The following PACSIN2 variants were observed in gnomAD, a reference collection of about 807,000 sequenced individuals.
PACSIN2 encodes protein kinase C and casein kinase substrate in neurons 2, also known as protein kinase C and casein kinase substrate in neurons protein 2.
A neutral mutation model predicts 63.8 loss-of-function variants in PACSIN2; 25 were observed. The ratio of observed to expected loss-of-function variants is 0.39; its 90% CI spans 0.29 to 0.55. The LOEUF is 0.55. Among genes scored for constraint, PACSIN2 ranks in the 20% least tolerant of loss-of-function variants. The pLI is 0.62. For synonymous variants in PACSIN2, 255 were observed against 256.2 expected (o/e 1.00, Z 0.05); for missense variants, 518 against 646.9 (o/e 0.80, Z 2.16).
intron 1 of PACSIN2, among the ~76,000 whole-genome samples, chr22:42,995,829 C>T (rs1923357519): frequency 6.6e-6 from 1 of 152,132 alleles, no homozygotes; most frequent in African/African-American, 2.4e-5. Context: ...TCTGGGAAGC[C>T]GGGACAGGAG....
rs1929149865 is a variant in PACSIN2 at position 42,882,400 on chromosome 22, C to T, written c.786-96G>A. 6 of 1,402,086 alleles carry T rather than the reference C, an allele frequency of 4.3e-6. No individual in the cohort carries two copies. In the South Asian group the frequency reaches 5.5e-5, roughly 13 times the overall value. 86.9% of individuals were successfully genotyped at this position (1,402,086 alleles called of 1,614,324 possible). ...GCCACAGCAGGTCCCGTGGTCTCTG[C>T]CCTCTGTGAGTTGGTTTCACAGACA... On this transcript the variant is annotated intron_variant, in intron 6 of 10. Coordinates refer to ENST00000263246, the MANE Select transcript of PACSIN2 (RefSeq NM_001184970.3).
At chr22:42,876,396 C>T (rs1928633496) in intron 9 of PACSIN2, 63 bp from the exon 10 acceptor site, 2 of 1,443,142 alleles carry the variant, frequency 1.4e-6, no homozygotes, top group African/African-American at 2.8e-5. Flanking sequence ...GAGGCCCCCG[C>T]CCCGCAAGGG....
chr22:42,952,127 C>G (rs920282980), intron 1 of PACSIN2, among the ~76,000 whole-genome samples: 3 of 152,172 alleles, frequency 2.0e-5, no homozygotes, highest in African/African-American at 4.8e-5. Flanking sequence ...TCTCCACTCA[C>G]GAGAATGTAG....
At position 42,992,014 on chromosome 22, in the gene PACSIN2, T is replaced by C. The variant is rs1354658165; in HGVS notation, c.-78+23007A>G. ...ACAAGCCGTAAAAGAACAAATTGAC[T>C]TCAGCAAATGTTTAAAACTTCTGTT... On this transcript the variant is annotated intron_variant, in intron 1 of 10. Transcript: ENST00000263246. Among the ~76,000 whole-genome samples the C allele has an allele frequency of 3.3e-5, 5 of 152,170 alleles. No individual in the cohort carries two copies. The East Asian group carries it at 9.6e-4, about 29-fold the overall frequency.
Position 42,919,503 on chromosome 22 carries a change from G to T in PACSIN2, c.-77-7346C>A, listed in dbSNP as rs534839070. On this transcript the variant is annotated intron_variant, in intron 1 of 10. Transcript: ENST00000263246. Reference sequence around the variant, plus strand: ...AAGAAACTGAACTCAGGCTGGGCGTGGTGGCTCACGCCTGTAATTCCAGCA... The same window carrying T: ...AAGAAACTGAACTCAGGCTGGGCGTTGTGGCTCACGCCTGTAATTCCAGCA... Among the ~76,000 whole-genome samples, 7 of 152,218 alleles carry T rather than the reference G, an allele frequency of 4.6e-5. No individual in the cohort carries two copies. In the East Asian group the frequency reaches 7.7e-4, roughly 17 times the overall value.
chr22:42,871,498 T>A lies in PACSIN2; in HGVS notation c.1349-29A>T. On this transcript the variant is annotated intron_variant, in intron 10 of 10. Transcript: ENST00000263246. The surrounding 1 kb of genome is among the most constrained non-coding windows in gnomAD (Gnocchi z 5.4). ...CAAGACAAAGAGGGAGCCGTCTCCA[T>A]GAGAGGTATGACACCGACGGTGGGC... The A allele has an allele frequency of 6.5e-7, 1 of 1,533,702 alleles. No individual in the cohort carries two copies. The highest frequency in any genetic ancestry group is 9.0e-7 in the Non-Finnish European group (1 of 1,106,346).
chr22:42,950,992 C>G (rs1449126878), intron 1 of PACSIN2, among the ~76,000 whole-genome samples: 1 of 152,062 alleles, frequency 6.6e-6, no homozygotes, highest in Non-Finnish European at 1.5e-5. Flanking sequence ...CAGGGTCTAC[C>G]TGGACATATG....
intron 1 of PACSIN2, among the ~76,000 whole-genome samples, chr22:42,995,230 C>T (rs1219955875): frequency 6.6e-6 from 1 of 152,266 alleles, no homozygotes; most frequent in Non-Finnish European, 1.5e-5. Context: ...AGTCATGTTT[C>T]ACAATAACTC....
intron 2 of PACSIN2, among the ~76,000 whole-genome samples, chr22:42,900,141 C>T (rs1338959643): frequency 1.3e-5 from 2 of 152,206 alleles, no homozygotes; most frequent in African/African-American, 4.8e-5. Flanking sequence ...CAGTCTACAC[C>T]ACCTGCACCC....
Position 43,009,863 on chromosome 22 carries a change from C to CTTTTTTTTTTTTTT in PACSIN2, c.-78+5157_-78+5158insAAAAAAAAAAAAAA, listed in dbSNP as rs762256300. Among the ~76,000 whole-genome samples, 15 of 131,806 alleles carry CTTTTTTTTTTTTTT rather than the reference C, an allele frequency of 1.1e-4. 1 individual carries two copies. Among genetic ancestry groups the CTTTTTTTTTTTTTT allele is most frequent in the East Asian group, 5.0e-4 (2 of 4,024 alleles). The allele number at this position is 131,806 out of a possible 152,430, so 86.5% of individuals were successfully genotyped here. On this transcript the variant is annotated intron_variant, in intron 1 of 10. Transcript: ENST00000263246. ...TAGTTGAGACATCATTTTATTTTTT[C>CTTTTTTTTTTTTTT]TATTTTTTTTTTTTTTTTTTTTTGA...
At chr22:42,902,304 G>A (rs6002971) in intron 2 of PACSIN2, among the ~76,000 whole-genome samples, 26,382 of 152,132 alleles carry the variant, frequency 0.17, 3,646 homozygotes, top group East Asian at 0.55. Flanking sequence ...TGAGGCCCAC[G>A]GAGAGTGAGC....
chr22:42,898,737 C>A (rs1280750108), intron 2 of PACSIN2, among the ~76,000 whole-genome samples: 2 of 152,142 alleles, frequency 1.3e-5, no homozygotes, highest in Non-Finnish European at 2.9e-5. Context: ...CTCCTCCAGG[C>A]TGCACTCACT....
At chr22:42,918,081 C>T (rs1017195734) in intron 1 of PACSIN2, among the ~76,000 whole-genome samples, 3 of 152,158 alleles carry the variant, frequency 2.0e-5, no homozygotes, top group African/African-American at 7.2e-5. Context: ...TGTGAAAATG[C>T]TTTGTAAAGT....
intron 1 of PACSIN2, among the ~76,000 whole-genome samples, chr22:42,948,045 G>A (rs1601563946): frequency 6.6e-6 from 1 of 152,224 alleles, no homozygotes. Flanking sequence ...AGAGGGTCCA[G>A]AAAGGGTGCC....
rs570815115 is a variant in PACSIN2, at chr22:43,012,014, G to A, written c.-78+3007C>T. ...ACAAAAATTAGCCAGGCGTGGTGGT[G>A]GATGCCTGTAGTCCCAGTTACTCAG... On this transcript the variant is annotated intron_variant, in intron 1 of 10. Transcript: ENST00000263246. Among the ~76,000 whole-genome samples the A allele has an allele frequency of 6.6e-5, 10 of 152,250 alleles. No homozygotes were observed. In the South Asian group the frequency reaches 2.1e-3, roughly 32 times the overall value.
At chr22:42,890,851 G>C (rs1929852286) in intron 4 of PACSIN2, 96 bp downstream of exon 4, 2 of 934,252 alleles carry the variant, frequency 2.1e-6, no homozygotes, top group South Asian at 3.0e-5. Flanking sequence ...TGTGCCTACA[G>C]CCAGTGGCAG....
At chr22:42,995,512 TA>T (rs1923336943) in intron 1 of PACSIN2, among the ~76,000 whole-genome samples, 1 of 152,050 alleles carries the variant, frequency 6.6e-6, no homozygotes, top group African/African-American at 2.4e-5. Flanking sequence ...GGCAGGACCT[TA>T]AAAGTCACAG....
intron 5 of PACSIN2, among the ~76,000 whole-genome samples, chr22:42,884,784 C>T (rs191100660): frequency 3.0e-4 from 46 of 152,384 alleles, no homozygotes; most frequent in Admixed American, 2.9e-3. Flanking sequence ...AAGGCCCAGA[C>T]AGGTAGATGC....
intron 1 of PACSIN2, among the ~76,000 whole-genome samples, chr22:42,965,199 T>G (rs1017520791): frequency 6.6e-6 from 1 of 152,210 alleles, no homozygotes; most frequent in Non-Finnish European, 1.5e-5. Flanking sequence ...ACTGTGTGTG[T>G]CTATGTGGAT....
Sources: allele counts gnomAD v4.1 joint callset (sites outside exome capture counted in the v4.1 genomes callset), GRCh38; gene constraint gnomAD v4.1.1; non-coding constraint Gnocchi (gnomAD v3.1); transcripts MANE v1.5; gene names NCBI Gene and HGNC (gene_info 2026-07-23, HGNC 2026-07-21).